Variants in ASIC2 observed in about 807,000 individuals in gnomAD.
ASIC2 encodes acid sensing ion channel subunit 2.
Under a neutral mutation model 57.3 loss-of-function variants are expected in ASIC2, and 25 were observed. The observed-to-expected ratio is 0.44, with a 90% confidence interval of 0.32 to 0.61. ASIC2 has a LOEUF of 0.61. Among genes scored for constraint, ASIC2 ranks in the 20% least tolerant of loss-of-function variants. The pLI is 0.06. For synonymous variants in ASIC2, 319 were observed against 307.5 expected (o/e 1.04, Z -0.39); for missense variants, 641 against 738.1 (o/e 0.87, Z 1.52).
At chr17:33,372,944 T>C (rs1909134815) in intron 1 of ASIC2, among the ~76,000 whole-genome samples, 1 of 152,158 alleles carries the variant, frequency 6.6e-6, no homozygotes, top group African/African-American at 2.4e-5. Context: ...TCTCTGCACT[T>C]TTCTCTGACC....
chr17:33,031,328 A>AT (rs2091882625), intron 3 of ASIC2, among the ~76,000 whole-genome samples: 1 of 151,964 alleles, frequency 6.6e-6, no homozygotes, highest in Non-Finnish European at 1.5e-5. Context: ...TATTCTTATC[A>AT]TTTTTTAATG....
chr17:33,325,001 G>T (rs1474984439), intron 1 of ASIC2, among the ~76,000 whole-genome samples: 3 of 152,166 alleles, frequency 2.0e-5, no homozygotes, highest in Non-Finnish European at 4.4e-5. Flanking sequence ...AAGAAGAGGG[G>T]GTGAATGCTG....
At chr17:34,028,636 A>T (rs954084515) in intron 1 of ASIC2, among the ~76,000 whole-genome samples, 1 of 152,234 alleles carries the variant, frequency 6.6e-6, no homozygotes, top group Non-Finnish European at 1.5e-5. Flanking sequence ...GTTTCACAAG[A>T]GGACATATCT....
intron 1 of ASIC2, among the ~76,000 whole-genome samples, chr17:33,358,255 G>A (rs985131569): frequency 3.3e-5 from 5 of 152,132 alleles, no homozygotes; most frequent in African/African-American, 9.7e-5. Context: ...TCACTCCAAC[G>A]GCAGAAGAAT....
intron 1 of ASIC2, among the ~76,000 whole-genome samples, chr17:33,377,995 C>G (rs1183886040): frequency 2.0e-5 from 3 of 152,188 alleles, no homozygotes; most frequent in Non-Finnish European, 4.4e-5. Context: ...ATAACAGGTC[C>G]CTTCTCACCA....
At chr17:33,590,954 A>G (rs1904806631) in intron 1 of ASIC2, among the ~76,000 whole-genome samples, 1 of 152,166 alleles carries the variant, frequency 6.6e-6, no homozygotes, top group Non-Finnish European at 1.5e-5. Flanking sequence ...GCACATTGCT[A>G]GGGTCTGTGG....
intron 3 of ASIC2, among the ~76,000 whole-genome samples, chr17:33,070,634 C>G (rs1178688695): frequency 6.6e-6 from 1 of 152,180 alleles, no homozygotes; most frequent in Non-Finnish European, 1.5e-5. Flanking sequence ...CCACGCCCAG[C>G]CTTTTGCCAC....
At chr17:33,086,776 C>G (rs760664252) in intron 3 of ASIC2, among the ~76,000 whole-genome samples, 1 of 152,150 alleles carries the variant, frequency 6.6e-6, no homozygotes, top group African/African-American at 2.4e-5. Context: ...GAATATAGGG[C>G]CCCTGTCTCC....
At chr17:33,583,236 C>A (rs1301101394) in intron 1 of ASIC2, among the ~76,000 whole-genome samples, 4 of 152,216 alleles carry the variant, frequency 2.6e-5, no homozygotes, top group Non-Finnish European at 5.9e-5. Flanking sequence ...TGGATACAAT[C>A]TATTCTTAAT....
At chr17:33,314,292 C>G (rs1906552502) in intron 1 of ASIC2, among the ~76,000 whole-genome samples, 1 of 152,212 alleles carries the variant, frequency 6.6e-6, no homozygotes, top group Non-Finnish European at 1.5e-5. Flanking sequence ...TTCTTCCTTT[C>G]TCTTTCTTTC....
At chr17:34,003,277 C>T (rs1597969438) in intron 1 of ASIC2, 1 of 152,116 alleles carries the variant, frequency 6.6e-6, no homozygotes, top group East Asian at 1.9e-4. Context: ...TCAGTTTTCT[C>T]ATTCATAAGA....
rs953024833 is a variant in ASIC2, at chr17:33,182,733, A to AT, written c.709-70667dup. Among the ~76,000 whole-genome samples the AT allele has an allele frequency of 2.6e-5, 4 of 152,194 alleles. 1 individual carries two copies. The Middle Eastern group carries it at 0.01, about 388-fold the overall frequency. On this transcript the variant is annotated intron_variant, in intron 1 of 9. Transcript: ENST00000225823. ...ATCTCCTTGAGATCCTTGTCATTGT[A>AT]TTTTTCAGAGCCATTGTATTTAAAT...
At chr17:33,229,653 A>C (rs747747896) in intron 1 of ASIC2, among the ~76,000 whole-genome samples, 1 of 152,228 alleles carries the variant, frequency 6.6e-6, no homozygotes, top group Non-Finnish European at 1.5e-5. Flanking sequence ...GAAACGGTAC[A>C]GCTCATTTCG....
At chr17:33,941,169 A>T (rs1916184366) in intron 1 of ASIC2, among the ~76,000 whole-genome samples, 1 of 152,174 alleles carries the variant, frequency 6.6e-6, no homozygotes, top group Admixed American at 6.5e-5. Context: ...GTGGAAACTC[A>T]TGAGGGGCCA....
chr17:33,182,004 A>T (rs1906003984), intron 1 of ASIC2, among the ~76,000 whole-genome samples: 1 of 152,156 alleles, frequency 6.6e-6, no homozygotes, highest in Admixed American at 6.5e-5. Context: ...GTGAGATGGG[A>T]AAGGGATATG....
intron 1 of ASIC2, among the ~76,000 whole-genome samples, chr17:33,970,305 C>T (rs574929051): frequency 6.6e-6 from 1 of 152,264 alleles, no homozygotes; most frequent in African/African-American, 2.4e-5. Flanking sequence ...TCCTCATTCT[C>T]GAAGCCCAGG....
intron 1 of ASIC2, among the ~76,000 whole-genome samples, chr17:33,651,656 G>C (rs1387483323): frequency 6.6e-6 from 1 of 152,224 alleles, no homozygotes; most frequent in Non-Finnish European, 1.5e-5. Context: ...TCGCACTTCT[G>C]CACCGTATGG....
rs540360608 is a variant in ASIC2, at chr17:34,144,749, G to A, written c.555+11229C>T. 1.2e-4 allele frequency among the ~76,000 whole-genome samples: 18 copies of A among 152,262 alleles called. No homozygotes were observed. In the South Asian group the frequency reaches 1.2e-3, roughly 11 times the overall value. On this transcript the variant is annotated intron_variant, in intron 1 of 9. Transcript: ENST00000359872. ...GCACTAAATTCCATGATTGTACCAC[G>A]AGGCCAAAATACCTCATTATGTTAT... is the stretch of plus-strand genomic sequence containing the variant.
chr17:33,137,655 GGCCTGCTCAGT>G (rs948904761), intron 1 of ASIC2, among the ~76,000 whole-genome samples: 11 of 152,120 alleles, frequency 7.2e-5, no homozygotes, highest in Non-Finnish European at 1.5e-5. Context: ...CAGGAGTTTT[GGCCTGCTCAGT>G]GCTTACACCC....
Sources: gnomAD v4.1 joint callset for allele counts (sites outside exome capture counted in the v4.1 genomes callset) on GRCh38, gnomAD v4.1.1 for gene constraint, MANE v1.5 for transcripts, NCBI Gene and HGNC (gene_info 2026-07-23, HGNC 2026-07-21) for gene names.